The following USP7 variants were observed in gnomAD, a reference collection of about 807,000 sequenced individuals.
The protein encoded by USP7 is ubiquitin C-terminal hydrolase 7.
In USP7, 9 loss-of-function variants were observed where a neutral mutation model predicts 162.9. The ratio of observed to expected loss-of-function variants is 0.06; its 90% confidence interval spans 0.03 to 0.10. The LOEUF is 0.10. USP7 is among the 10% of genes least tolerant of loss of function. USP7 has a pLI of 1.00. For synonymous variants in USP7, 562 were observed against 475.9 expected (o/e 1.18, Z -2.35); for missense variants, 715 against 1,373.7 (o/e 0.52, Z 7.58).
intron 1 of USP7, chr16:8,936,589 G>C: frequency 6.5e-7 from 1 of 1,548,892 alleles, no homozygotes; most frequent in Non-Finnish European, 8.7e-7. Flanking sequence ...TCACCTTCCA[G>C]CCCAAGCCTG....
rs758550046 is a variant in USP7 at position 8,895,153 on chromosome 16, G to A, written c.2920-3C>T. 6.2e-7 allele frequency: 1 copy of A among 1,614,170 alleles called. No individual in the cohort carries two copies. The highest frequency in any genetic ancestry group is 8.5e-7 in the Non-Finnish European group (1 of 1,180,022). ...TCCACCTGGTCCAAAGGGATTTCCT[G>A]GGGACACGGACAACAGACACAGTTC... is the stretch of plus-strand genomic sequence containing the variant. On this transcript the variant is annotated splice_polypyrimidine_tract_variant and splice_region_variant and intron_variant, in intron 27 of 30. Transcript: ENST00000344836.
intron 25 of USP7, 70 bp downstream of exon 25, chr16:8,898,290 T>A: frequency 7.8e-7 from 1 of 1,283,084 alleles, no homozygotes. Flanking sequence ...GTTTTCAATG[T>A]CTGGGGACAG....
At chr16:8,943,310 A>G (rs1412722871) in intron 1 of USP7, among the ~76,000 whole-genome samples, 1 of 151,312 alleles carries the variant, frequency 6.6e-6, no homozygotes, top group Non-Finnish European at 1.5e-5. Flanking sequence ...ACAAGTAAAG[A>G]GCTTATAATT....
chr16:8,950,468 A>C (rs775578779), intron 1 of USP7, among the ~76,000 whole-genome samples: 1 of 152,242 alleles, frequency 6.6e-6, no homozygotes, highest in Non-Finnish European at 1.5e-5. Context: ...GTAAATGCAG[A>C]TGTGTGGTGC....
At chr16:8,908,837 C>G (rs2061899437) in intron 11 of USP7, among the ~76,000 whole-genome samples, 1 of 152,182 alleles carries the variant, frequency 6.6e-6, no homozygotes, top group Non-Finnish European at 1.5e-5. Context: ...AATCAGAAAA[C>G]TCTGGTTACA....
chr16:8,926,243 A>C (rs555354763), intron 2 of USP7, among the ~76,000 whole-genome samples: 1 of 152,054 alleles, frequency 6.6e-6, no homozygotes, highest in South Asian at 2.1e-4. Flanking sequence ...TTTGGGAGGC[A>C]GAGGCGGGCG....
At chr16:8,943,538 G>C (rs536842016) in intron 1 of USP7, among the ~76,000 whole-genome samples, 6 of 151,654 alleles carry the variant, frequency 4.0e-5, no homozygotes, top group African/African-American at 1.5e-4. Context: ...CCAATGCCAT[G>C]AGAAACACAA....
intron 1 of USP7, among the ~76,000 whole-genome samples, chr16:8,941,853 G>C (rs963744483): frequency 3.3e-5 from 5 of 152,224 alleles, no homozygotes; most frequent in African/African-American, 1.2e-4. Context: ...CAGGGAACTG[G>C]GTGGACACGC....
At chr16:8,937,012 T>C (rs1714554116) in intron 1 of USP7, among the ~76,000 whole-genome samples, 1 of 151,970 alleles carries the variant, frequency 6.6e-6, no homozygotes, top group African/African-American at 2.4e-5. Flanking sequence ...TTTCTGTACA[T>C]CTAGAATTAC....
chr16:8,936,761 C>T, intron 1 of USP7: 1 of 1,319,498 alleles, frequency 7.6e-7, no homozygotes, highest in Non-Finnish European at 9.7e-7. Context: ...GTCTTTAGGA[C>T]CAGAAACATT....
chr16:8,916,410 GAATTAGGTC>G (rs1897371518), intron 8 of USP7, 83 bp downstream of exon 8: 3 of 634,574 alleles, frequency 4.7e-6, no homozygotes, highest in Non-Finnish European at 6.6e-6. Flanking sequence ...GGCATTTTCT[GAATTAGGTC>G]TGAGGTTTTA....
chr16:8,922,622 C>G (rs1017883384), intron 3 of USP7, among the ~76,000 whole-genome samples: 1 of 152,210 alleles, frequency 6.6e-6, no homozygotes, highest in Non-Finnish European at 1.5e-5. Context: ...AGCAGCTTCC[C>G]CTGGTTCCAA....
At chr16:8,897,716 A>ATATATATATATATAT (rs1596350235) in intron 25 of USP7, among the ~76,000 whole-genome samples, 1 of 46,208 alleles carries the variant, frequency 2.2e-5, no homozygotes, top group Non-Finnish European at 4.0e-5. Context: ...AAAAAAAAAA[A>ATATATATATATATAT]AAAAAAAAAA....
intron 1 of USP7, among the ~76,000 whole-genome samples, chr16:8,953,201 C>T (rs909117142): frequency 6.6e-6 from 1 of 152,116 alleles, no homozygotes. Flanking sequence ...CTCCCCCTCC[C>T]CGCGGTAAGC....
chr16:8,911,813 C>A (rs2061950981), intron 10 of USP7, among the ~76,000 whole-genome samples: 1 of 152,132 alleles, frequency 6.6e-6, no homozygotes, highest in Non-Finnish European at 1.5e-5. Flanking sequence ...TCAGTGAACT[C>A]GAGGAAATTA....
chr16:8,917,218 G>A, intron 6 of USP7, 62 bp from the exon 7 acceptor site: 1 of 1,521,756 alleles, frequency 6.6e-7, no homozygotes, highest in Non-Finnish European at 8.8e-7. Context: ...TTAAAAAACA[G>A]TAAGAATTTA....
chr16:8,962,995 G>A (rs1900081498), intron 1 of USP7: 1 of 266,338 alleles, frequency 3.8e-6, no homozygotes, highest in Non-Finnish European at 6.7e-6. Context: ...TCGGGACAAT[G>A]CACGGGGCCG....
At chr16:8,937,636 G>A (rs1712668938) in intron 1 of USP7, among the ~76,000 whole-genome samples, 1 of 152,146 alleles carries the variant, frequency 6.6e-6, no homozygotes, top group South Asian at 2.1e-4. Context: ...AGCAAGGGCT[G>A]CACCACTGCC....
rs147925472 is a variant in USP7 at position 8,952,977 on chromosome 16, C to T, written c.79+10230G>A. ...TCGGCCTCCCAAGTAGCTGGGATTA[C>T]AGTCGCGTGTCACCATGCCAGGCTA... is the stretch of plus-strand genomic sequence containing the variant. On this transcript the variant is annotated intron_variant, in intron 1 of 30. Coordinates refer to ENST00000344836, the MANE Select transcript of USP7 (RefSeq NM_003470.3). Among the ~76,000 whole-genome samples the T allele has an allele frequency of 1.7e-3, 252 of 152,252 alleles. 1 individual carries two copies. The highest frequency in any genetic ancestry group is 5.5e-3 in the African/African-American group (229 of 41,554).
Sources: allele counts gnomAD v4.1 joint callset (sites outside exome capture counted in the v4.1 genomes callset), GRCh38; gene constraint gnomAD v4.1.1; transcripts MANE v1.5; gene names NCBI Gene and HGNC (gene_info 2026-07-23, HGNC 2026-07-21).